Variants in LCLAT1 observed in about 807,000 individuals in gnomAD.
LCLAT1 encodes 1-AGP acyltransferase 8.
LCLAT1 carries 11 observed loss-of-function variants against 30.7 expected under a neutral mutation model. That is an observed-to-expected ratio of 0.36 (90% CI 0.23 to 0.59). The LOEUF is 0.59. Ranked by LOEUF, LCLAT1 falls within the 20% of genes least tolerant of loss-of-function variation. The probability of loss-of-function intolerance (pLI) is 0.77; values close to 1 mark genes in which losing one functional copy is unlikely to be tolerated. For synonymous variants in LCLAT1, 155 were observed against 151.3 expected (o/e 1.02, Z -0.18); for missense variants, 402 against 458.6 (o/e 0.88, Z 1.13).
At chr2:30,599,049 C>A (rs2609927) in intron 5 of LCLAT1, among the ~76,000 whole-genome samples, 92,531 of 151,256 alleles carry the variant, frequency 0.61, 28,796 homozygotes, top group Middle Eastern at 0.68. Flanking sequence ...GTGGCGTGAT[C>A]TCGGCTCACT....
chr2:30,607,596 C>G (rs1488952091), intron 5 of LCLAT1: 1 of 152,104 alleles, frequency 6.6e-6, no homozygotes, highest in Admixed American at 6.5e-5. Flanking sequence ...ATGATAATGA[C>G]TATGTTACTG....
intron 1 of LCLAT1, among the ~76,000 whole-genome samples, chr2:30,504,681 A>G (rs573960426): frequency 6.6e-6 from 1 of 152,112 alleles, no homozygotes; most frequent in Non-Finnish European, 1.5e-5. Context: ...CAGCTAAGCT[A>G]CTTCTTTTTC....
At chr2:30,513,378 T>A (rs1305403910) in intron 1 of LCLAT1, among the ~76,000 whole-genome samples, 4 of 151,962 alleles carry the variant, frequency 2.6e-5, no homozygotes, top group Non-Finnish European at 5.9e-5. Flanking sequence ...TTGGAAAAAA[T>A]GGGGAATTTC....
At chr2:30,611,402 G>C (rs1490729242) in intron 5 of LCLAT1, among the ~76,000 whole-genome samples, 2 of 152,116 alleles carry the variant, frequency 1.3e-5, no homozygotes, top group South Asian at 2.1e-4. Flanking sequence ...ACTTTCAGTT[G>C]AGGGTGAAAG....
intron 1 of LCLAT1, among the ~76,000 whole-genome samples, chr2:30,479,460 T>G (rs1428228887): frequency 6.6e-6 from 1 of 152,146 alleles, no homozygotes; most frequent in Non-Finnish European, 1.5e-5. Flanking sequence ...TTACCCAGGC[T>G]GGTCTAGAAC....
intron 2 of LCLAT1, among the ~76,000 whole-genome samples, chr2:30,527,536 T>C (rs1370142995): frequency 6.6e-6 from 1 of 152,180 alleles, no homozygotes; most frequent in Non-Finnish European, 1.5e-5. Flanking sequence ...TCACTCTAAT[T>C]TTTGGAGAGC....
intron 1 of LCLAT1, among the ~76,000 whole-genome samples, chr2:30,491,335 C>A (rs901575240): frequency 6.6e-6 from 1 of 152,226 alleles, no homozygotes; most frequent in Non-Finnish European, 1.5e-5. Context: ...AGCCACTCTT[C>A]TAAGCACTTT....
intron 5 of LCLAT1, among the ~76,000 whole-genome samples, chr2:30,569,651 A>T (rs1030457199): frequency 3.9e-5 from 6 of 152,204 alleles, no homozygotes. Flanking sequence ...TCTCTTTAGG[A>T]TTTAATATAC....
At chr2:30,545,659 A>G (rs202040393) in intron 3 of LCLAT1, among the ~76,000 whole-genome samples, 1 of 43,226 alleles carries the variant, frequency 2.3e-5, no homozygotes, top group Non-Finnish European at 8.0e-5. Context: ...AATGTTTCAT[A>G]GAGTTCAACT....
intron 5 of LCLAT1, among the ~76,000 whole-genome samples, chr2:30,582,409 C>G (rs971178038): frequency 1.3e-5 from 2 of 152,172 alleles, no homozygotes; most frequent in African/African-American, 4.8e-5. Context: ...GGATATATAA[C>G]TCCTCTTCAC....
rs4952134 is a variant in LCLAT1, at chr2:30,508,463, G to A, written c.-4-17124G>A. On this transcript the variant is annotated intron_variant, in intron 1 of 5. Transcript: ENST00000379509. ...GATTTTTTGTATATCGTGTAAGGAA[G>A]GGGTCCAGTTTCAGTCTTCTTCTAG... 4.4e-3 allele frequency among the ~76,000 whole-genome samples: 667 copies of A among 152,144 alleles called. 15 individuals are homozygous for A. The highest frequency in any genetic ancestry group is 0.03 in the Admixed American group (455 of 15,274).
intron 1 of LCLAT1, among the ~76,000 whole-genome samples, chr2:30,491,516 T>G (rs1365787526): frequency 6.6e-6 from 1 of 152,218 alleles, no homozygotes. Context: ...CATTGTGTGG[T>G]ATTGCCTCAT....
intron 1 of LCLAT1, among the ~76,000 whole-genome samples, chr2:30,471,283 C>T (rs1231400524): frequency 6.6e-6 from 1 of 151,898 alleles, no homozygotes; most frequent in African/African-American, 2.4e-5. Flanking sequence ...GATCTCAGCT[C>T]ACTGCAACCT....
intron 4 of LCLAT1, among the ~76,000 whole-genome samples, chr2:30,562,690 A>T (rs1381941831): frequency 6.6e-6 from 1 of 152,172 alleles, no homozygotes. Context: ...GCCTCAGAAT[A>T]TATTTTAAAA....
At chr2:30,552,150 C>G (rs1318719715) in intron 3 of LCLAT1, among the ~76,000 whole-genome samples, 1 of 152,180 alleles carries the variant, frequency 6.6e-6, no homozygotes, top group Non-Finnish European at 1.5e-5. Flanking sequence ...AGTTTTGCAA[C>G]AGGAAGAAAT....
intron 5 of LCLAT1, among the ~76,000 whole-genome samples, chr2:30,612,117 A>G (rs1667767395): frequency 1.3e-5 from 2 of 152,160 alleles, no homozygotes; most frequent in African/African-American, 2.4e-5. Flanking sequence ...ATTAGGAAAC[A>G]AGTACTTCTA....
chr2:30,511,150 G>A (rs1684920385), intron 1 of LCLAT1, among the ~76,000 whole-genome samples: 1 of 152,152 alleles, frequency 6.6e-6, no homozygotes, highest in African/African-American at 2.4e-5. Context: ...TTGCACGTAG[G>A]TGAGGCTTGT....
At chr2:30,462,909 A>G (rs1023272244) in intron 1 of LCLAT1, among the ~76,000 whole-genome samples, 1 of 152,194 alleles carries the variant, frequency 6.6e-6, no homozygotes, top group Admixed American at 6.5e-5. Flanking sequence ...GTAAATAGAT[A>G]GTTTTAAAAA....
At chr2:30,605,866 C>T (rs958657324) in intron 5 of LCLAT1, 25 of 383,058 alleles carry the variant, frequency 6.5e-5, no homozygotes, top group Non-Finnish European at 9.6e-5. Flanking sequence ...GGGATGGTTT[C>T]GGAATGAAAC....
Sources: gnomAD v4.1 joint callset for allele counts (sites outside exome capture counted in the v4.1 genomes callset) on GRCh38, gnomAD v4.1.1 for gene constraint, MANE v1.5 for transcripts, NCBI Gene and HGNC (gene_info 2026-07-23, HGNC 2026-07-21) for gene names.